The following CCDC33 variants were observed in gnomAD, a reference collection of about 807,000 sequenced individuals.
CCDC33 encodes the protein coiled-coil domain-containing protein 33.
CCDC33 carries 94 observed loss-of-function variants against 91.9 expected under a neutral mutation model. The ratio of observed to expected loss-of-function variants is 1.02; its 90% CI spans 0.87 to 1.21. CCDC33 has a LOEUF of 1.21. Among genes scored for constraint, CCDC33 ranks in the 50% most tolerant of loss-of-function variants. The pLI is 0.00. For synonymous variants in CCDC33, 396 were observed against 374.5 expected, an observed-to-expected ratio of 1.06 and a Z score of -0.66; for missense variants, 940 against 935.5, an observed-to-expected ratio of 1.00 and a Z score of -0.06.
rs145002415 is a variant in CCDC33, at chr15:74,322,740, A to G, written c.1291-7449A>G. ...CTCATCCCACCACAGGCTGAAGCTG[A>G]GTGTCTGTGGGAGGCGGCTGCCCTC... On this transcript the variant is annotated intron_variant, in intron 11 of 18. Coordinates refer to ENST00000398814, the MANE Select transcript of CCDC33 (RefSeq NM_025055.5). 6.7e-3 allele frequency among the ~76,000 whole-genome samples: 1,025 copies of G among 152,286 alleles called. 10 individuals carry two copies. The highest frequency in any genetic ancestry group is 0.023 in the African/African-American group (951 of 41,562).
intron 7 of CCDC33, among the ~76,000 whole-genome samples, chr15:74,275,859 G>C (rs182603350): frequency 6.6e-6 from 1 of 152,276 alleles, no homozygotes; most frequent in East Asian, 1.9e-4. Context: ...AGTAGAGATA[G>C]GGTTCAACCA....
intron 2 of CCDC33, chr15:74,209,763 C>G (rs2074342426): frequency 3.3e-6 from 1 of 307,196 alleles, no homozygotes; most frequent in Non-Finnish European, 6.0e-6. Flanking sequence ...GGGATGCAGA[C>G]AAGACTGGGG....
intron 13 of CCDC33, 51 bp from the exon 14 acceptor site, chr15:74,330,930 T>C (rs1318116101): frequency 1.9e-6 from 3 of 1,553,882 alleles, no homozygotes; most frequent in Non-Finnish European, 2.6e-6. Context: ...AGGGCCAAGG[T>C]GGACTCCCAG....
intron 2 of CCDC33, among the ~76,000 whole-genome samples, chr15:74,256,504 C>T (rs2075869850): frequency 6.6e-6 from 1 of 152,192 alleles, no homozygotes; most frequent in African/African-American, 2.4e-5. Context: ...CTGGGTTGCT[C>T]ATCCAGGCCC....
At chr15:74,285,296 G>A (rs573842697) in intron 10 of CCDC33, among the ~76,000 whole-genome samples, 8 of 152,284 alleles carry the variant, frequency 5.3e-5, no homozygotes, top group African/African-American at 9.6e-5. Context: ...CCACTACCAC[G>A]TCACCCATTC....
intron 17 of CCDC33, among the ~76,000 whole-genome samples, chr15:74,334,411 G>A (rs2060515129): frequency 6.6e-6 from 1 of 151,912 alleles, no homozygotes; most frequent in African/African-American, 2.4e-5. Context: ...ACCAGGGTTA[G>A]GGTTCAGTGT....
chr15:74,333,815 TTTCCCAAGCTCAC>T, intron 16 of CCDC33, 53 bp from the exon 17 acceptor site: 1 of 1,356,444 alleles, frequency 7.4e-7, no homozygotes, highest in Admixed American at 1.7e-5. Context: ...TACCTTATGG[TTTCCCAAGCTCAC>T]ACTGCCACAG....
At chr15:74,234,338 A>T (rs2075078237), upstream of CCDC33, among the ~76,000 whole-genome samples, 1 of 152,226 alleles carries the variant, frequency 6.6e-6, no homozygotes, top group South Asian at 2.1e-4. Context: ...TCCCTGAATC[A>T]TCACAGCTTG....
At position 74,330,991 on chromosome 15, in the gene CCDC33, G is replaced by A. The variant is rs766863738; in HGVS notation, c.1556G>A (p.Arg519Gln). ...LQNELIRKND[R>Q]EKELLLLYQA... is the part of the protein sequence containing the mutation. ...TCCCCCATCTCACAGAAGAATGATC[G>A]AGAGAAGGAGCTGCTCCTTCTGTAT... Residue 519 changes from arginine (R) to glutamine (Q), a missense_variant, in exon 14 of 19, where the codon CGA becomes CAA. Arg to Gln is a conservative substitution (Grantham distance 43, BLOSUM62 1). Transcript: ENST00000398814. 6 of 1,589,096 alleles carry A rather than the reference G, an allele frequency of 3.8e-6. No individual in the cohort carries two copies. The highest frequency in any genetic ancestry group is 2.2e-5 in the East Asian group (1 of 44,598).
chr15:74,234,860 G>A (rs570670957), upstream of CCDC33, among the ~76,000 whole-genome samples: 1 of 152,354 alleles, frequency 6.6e-6, no homozygotes, highest in South Asian at 2.1e-4. Flanking sequence ...CGGAGCGCTC[G>A]CACAGCCCTG....
At chr15:74,217,494 T>G in exon 1 of CCDC33, 1 of 1,289,630 alleles carries the variant, frequency 7.8e-7, no homozygotes, top group Non-Finnish European at 1.0e-6. Flanking sequence ...CCCTGCCTGC[T>G]CTGCTATCAC....
intron 2 of CCDC33, among the ~76,000 whole-genome samples, chr15:74,253,455 A>C (rs1213333976): frequency 6.6e-6 from 1 of 152,100 alleles, no homozygotes; most frequent in African/African-American, 2.4e-5. Flanking sequence ...GTATTCCCTG[A>C]TTCTGTCATC....
chr15:74,243,814 A>C (rs2075424767), intron 1 of CCDC33, 171 bp from the exon 2 acceptor site: 10 of 722,368 alleles, frequency 1.4e-5, no homozygotes, highest in Non-Finnish European at 2.4e-5. Context: ...ATGTGGTGGC[A>C]CATGCCTGTA....
intron 2 of CCDC33, among the ~76,000 whole-genome samples, chr15:74,253,171 C>T (rs962018939): frequency 6.6e-6 from 1 of 152,214 alleles, no homozygotes; most frequent in African/African-American, 2.4e-5. Flanking sequence ...GGGGGCCTTC[C>T]TGGTGTCCTC....
At chr15:74,294,486 G>A (rs2059642472) in intron 10 of CCDC33, among the ~76,000 whole-genome samples, 2 of 151,636 alleles carry the variant, frequency 1.3e-5, no homozygotes, top group South Asian at 4.2e-4. Flanking sequence ...AGTGGCTCAC[G>A]CCTGTAATCC....
chr15:74,288,041 G>A (rs952226553), intron 10 of CCDC33, among the ~76,000 whole-genome samples: 3 of 152,142 alleles, frequency 2.0e-5, no homozygotes, highest in African/African-American at 7.2e-5. Flanking sequence ...CAACTCCCAT[G>A]CTGCCCACTT....
At chr15:74,285,544 C>G (rs1008022688) in intron 10 of CCDC33, among the ~76,000 whole-genome samples, 7 of 152,050 alleles carry the variant, frequency 4.6e-5, no homozygotes, top group African/African-American at 1.7e-4. Context: ...CCTCCCTCTG[C>G]CCCAAGCTCC....
chr15:74,212,575 C>T (rs1258857686), upstream of CCDC33: 1 of 152,206 alleles, frequency 6.6e-6, no homozygotes, highest in South Asian at 2.1e-4. Flanking sequence ...AGTTACTACT[C>T]ATGGCAGAAA....
intron 10 of CCDC33, among the ~76,000 whole-genome samples, chr15:74,288,409 C>T (rs1229446417): frequency 1.3e-5 from 2 of 152,180 alleles, no homozygotes; most frequent in African/African-American, 4.8e-5. Context: ...AAGTATCCCC[C>T]AAAACTGTGG....
Sources: allele counts gnomAD v4.1 joint callset (sites outside exome capture counted in the v4.1 genomes callset), GRCh38; gene constraint gnomAD v4.1.1; transcripts MANE v1.5; gene names NCBI Gene and HGNC (gene_info 2026-07-23, HGNC 2026-07-21).